Variants in TTC29 observed in about 807,000 individuals in gnomAD.
TTC29 encodes the protein tetratricopeptide repeat protein 29.
In TTC29, 49 loss-of-function variants were observed where a neutral mutation model predicts 58.1. The observed-to-expected ratio is 0.84, with a 90% CI of 0.67 to 1.07. The LOEUF is 1.07. TTC29 is among the 50% of genes least tolerant of loss of function. TTC29 has a pLI of 0.00. For synonymous variants in TTC29, 209 were observed against 196.8 expected, an observed-to-expected ratio of 1.06 and a Z score of -0.52; for missense variants, 582 against 555.6, an observed-to-expected ratio of 1.05 and a Z score of -0.48.
rs1174153868 is a variant in TTC29 at position 146,789,370 on chromosome 4, G to T, written c.1330+14087C>A. Among the ~76,000 whole-genome samples, 8 of 152,120 alleles carry T rather than the reference G, an allele frequency of 5.3e-5. 1 individual carries two copies. The highest frequency in any genetic ancestry group is 4.6e-4 in the Admixed American group (7 of 15,270). On this transcript the variant is annotated intron_variant, in intron 11 of 12. Transcript: ENST00000325106. ...CAGATTCTTAAGCCCCTTCATTAGA[G>T]ATTCTGATTCTATAATTCTAAGATA... is the stretch of plus-strand genomic sequence containing the variant.
At chr4:146,837,024 A>G (rs1728555725) in intron 8 of TTC29, among the ~76,000 whole-genome samples, 1 of 152,122 alleles carries the variant, frequency 6.6e-6, no homozygotes, top group East Asian at 1.9e-4. Context: ...AAATTATTCT[A>G]CCATAAAGAC....
At chr4:146,775,931 C>G (rs1471769796) in intron 11 of TTC29, among the ~76,000 whole-genome samples, 1 of 152,120 alleles carries the variant, frequency 6.6e-6, no homozygotes, top group African/African-American at 2.4e-5. Context: ...CCATATTTCT[C>G]AAATGGTCTC....
chr4:146,758,144 A>C lies in TTC29; in HGVS notation c.1330+45313T>G, dbSNP rs1746597473. On this transcript the variant is annotated intron_variant, in intron 11 of 12. Coordinates refer to ENST00000325106, the MANE Select transcript of TTC29 (RefSeq NM_031956.4). ...CACATAAACTTAAAGGGGTGGAAAA[A>C]GGCATTTCATGCAAATGGACACCAA... Among the ~76,000 whole-genome samples the C allele has an allele frequency of 2.0e-5, 3 of 152,162 alleles. No homozygotes were observed. The South Asian group carries it at 6.2e-4, about 31-fold the overall frequency.
At chr4:146,891,578 C>T (rs181505046) in intron 6 of TTC29, among the ~76,000 whole-genome samples, 218 of 152,246 alleles carry the variant, frequency 1.4e-3, no homozygotes, top group African/African-American at 5.0e-3. Context: ...AAGGCTCTGA[C>T]GCTGGGCAGC....
intron 9 of TTC29, among the ~76,000 whole-genome samples, chr4:146,826,706 T>A (rs1434629657): frequency 6.6e-6 from 1 of 152,128 alleles, no homozygotes; most frequent in Non-Finnish European, 1.5e-5. Context: ...AAGCGTATTT[T>A]CCAGCTTGTT....
chr4:146,930,060 T>C (rs1459736076), intron 4 of TTC29, among the ~76,000 whole-genome samples: 2 of 139,248 alleles, frequency 1.4e-5, no homozygotes, highest in South Asian at 2.3e-4. Flanking sequence ...AGATACACAC[T>C]ACATATATTT....
intron 11 of TTC29, among the ~76,000 whole-genome samples, chr4:146,708,328 A>ATACATGTATGTGTGTG (rs1554002706): frequency 3.8e-4 from 18 of 47,562 alleles, no homozygotes; most frequent in African/African-American, 9.3e-4. Flanking sequence ...ATATATATAT[A>ATACATGTATGTGTGTG]TATATATATA....
intron 8 of TTC29, among the ~76,000 whole-genome samples, chr4:146,861,474 T>A (rs940157564): frequency 2.6e-5 from 4 of 152,190 alleles, no homozygotes; most frequent in African/African-American, 7.2e-5. Flanking sequence ...AGTGTAACTA[T>A]TTTTTCTCTT....
chr4:146,790,883 C>A (rs1286378905), intron 11 of TTC29, among the ~76,000 whole-genome samples: 6 of 152,192 alleles, frequency 3.9e-5, no homozygotes, highest in African/African-American at 1.2e-4. Flanking sequence ...CATGTATGTA[C>A]TGGTAAACAA....
chr4:146,903,445 A>C, intron 6 of TTC29, 99 bp downstream of exon 6: 1 of 1,092,914 alleles, frequency 9.1e-7, no homozygotes, highest in Non-Finnish European at 1.3e-6. Context: ...TTATGCTGAA[A>C]TCTCAGGTCT....
At chr4:146,744,343 G>A (rs901668276) in intron 11 of TTC29, among the ~76,000 whole-genome samples, 1 of 151,802 alleles carries the variant, frequency 6.6e-6, no homozygotes, top group Non-Finnish European at 1.5e-5. Context: ...ATCAGCCTGG[G>A]CAACACAGTG....
At chr4:146,737,599 G>GGGGC (rs1561075091) in intron 11 of TTC29, among the ~76,000 whole-genome samples, 3 of 149,490 alleles carry the variant, frequency 2.0e-5, no homozygotes, top group African/African-American at 7.4e-5. Flanking sequence ...CTGGGGGGGG[G>GGGGC]GGGGCTACAA....
rs564647890 is a variant in TTC29, at chr4:146,745,093, T to G, written c.1331-37542A>C. On this transcript the variant is annotated intron_variant, in intron 11 of 12. Coordinates refer to ENST00000325106, the MANE Select transcript of TTC29 (RefSeq NM_031956.4). Reference sequence around the variant, plus strand: ...GGCATTAGACTACCACCAGTTTCTATCGAGCACATGCCATGTTCACAGTTG... The same window carrying G: ...GGCATTAGACTACCACCAGTTTCTAGCGAGCACATGCCATGTTCACAGTTG... 2.0e-5 allele frequency among the ~76,000 whole-genome samples: 3 copies of G among 152,344 alleles called. No homozygotes were observed. The East Asian group carries it at 5.8e-4, about 29-fold the overall frequency.
chr4:146,793,479 AT>A (rs138867468), intron 11 of TTC29, among the ~76,000 whole-genome samples: 1,592 of 151,398 alleles, frequency 0.011, 14 homozygotes, highest in Non-Finnish European at 0.015. Flanking sequence ...AGGTATGTAC[AT>A]TTTTTTTTAG....
At chr4:146,781,678 A>G (rs1315570434) in intron 11 of TTC29, among the ~76,000 whole-genome samples, 1 of 152,016 alleles carries the variant, frequency 6.6e-6, no homozygotes, top group African/African-American at 2.4e-5. Flanking sequence ...TCACTAACAT[A>G]CTATTCCAAT....
At chr4:146,785,082 T>G (rs1228525217) in intron 11 of TTC29, among the ~76,000 whole-genome samples, 2 of 152,210 alleles carry the variant, frequency 1.3e-5, no homozygotes, top group Non-Finnish European at 2.9e-5. Context: ...ATAGGTTTTG[T>G]GTAAGAGTGT....
chr4:146,870,357 T>A (rs1445815541), intron 7 of TTC29, among the ~76,000 whole-genome samples: 1 of 151,610 alleles, frequency 6.6e-6, no homozygotes, highest in Non-Finnish European at 1.5e-5. Flanking sequence ...ACAACTAAGG[T>A]GTGCATAGAG....
chr4:146,920,039 A>G (rs1245170135), intron 4 of TTC29, among the ~76,000 whole-genome samples: 2 of 151,068 alleles, frequency 1.3e-5, no homozygotes, highest in Non-Finnish European at 3.0e-5. Flanking sequence ...CCCATTAAAA[A>G]TGTATTGTAT....
At chr4:146,890,136 G>A (rs1732254761) in intron 6 of TTC29, among the ~76,000 whole-genome samples, 1 of 152,012 alleles carries the variant, frequency 6.6e-6, no homozygotes, top group South Asian at 2.1e-4. Context: ...AAACTGGGTG[G>A]CTTAAACAAC....
Sources: gnomAD v4.1 joint callset for allele counts (sites outside exome capture counted in the v4.1 genomes callset) on GRCh38, gnomAD v4.1.1 for gene constraint, MANE v1.5 for transcripts, NCBI Gene and HGNC (gene_info 2026-07-23, HGNC 2026-07-21) for gene names.